Variants in CHAD observed in about 807,000 individuals in gnomAD.
CHAD encodes the protein cartilage leucine-rich protein.
In CHAD, 18 loss-of-function variants were observed where a neutral mutation model predicts 24.0. The ratio of observed to expected loss-of-function variants is 0.75; its 90% CI spans 0.52 to 1.11. The LOEUF (loss-of-function observed/expected upper bound fraction) is 1.11. Ranked by LOEUF, CHAD falls within the 50% of genes most tolerant of loss-of-function variation. The pLI is 0.00. For missense variants in CHAD, 440 were observed against 467.2 expected (o/e 0.94, Z 0.54); for synonymous variants, 195 against 211.6 (o/e 0.92, Z 0.68).
In CHAD at chr17:50,468,655, G is replaced by C. The variant is rs529863360; in HGVS notation, c.159C>G (p.Thr53=). ...TGTTGCGCTGTAGGTTGAGCAGCTTGGTCTTCTCTGACACCTTGGGGATCT... is the reference window on the plus strand; with the variant it reads ...TGTTGCGCTGTAGGTTGAGCAGCTTCGTCTTCTCTGACACCTTGGGGATCT... The part of the protein sequence containing the change: ...LQKIPKVSEK[T]KLLNLQRNNF... The change falls in exon 1 of 4, where the codon ACC becomes ACG. Residue 53 remains threonine, a synonymous_variant. Transcript: ENST00000508540. 2.5e-6 allele frequency: 4 copies of C among 1,614,184 alleles called. No individual in the cohort carries two copies. The highest frequency in any genetic ancestry group is 1.3e-5 in the African/African-American group (1 of 75,078).
At chr17:50,465,935 G>C in intron 1 of CHAD, 65 bp from the exon 2 acceptor site, 1 of 1,581,360 alleles carries the variant, frequency 6.3e-7, no homozygotes, top group Non-Finnish European at 8.7e-7. Context: ...AAGCACCCGA[G>C]TGCCAGAGGG....
intron 1 of CHAD, chr17:50,467,730 C>A: frequency 3.4e-6 from 1 of 295,146 alleles, no homozygotes; most frequent in African/African-American, 2.2e-5. Context: ...GAAGAGGTGG[C>A]TGCTGCTCAC....
intron 1 of CHAD, among the ~76,000 whole-genome samples, chr17:50,466,091 C>CTT (rs1345682475): frequency 3.4e-4 from 41 of 120,182 alleles, no homozygotes; most frequent in African/African-American, 7.7e-4. Flanking sequence ...TTTTTTTTTC[C>CTT]TTTTTTTTTT....
At chr17:50,467,930 G>A in intron 1 of CHAD, 110 bp downstream of exon 1, 1 of 1,162,592 alleles carries the variant, frequency 8.6e-7, no homozygotes, top group South Asian at 1.6e-5. Context: ...GAGATAGCCA[G>A]AGGGACAGGG....
At position 50,468,769 on chromosome 17, in the gene CHAD, A is replaced by G; in HGVS notation, c.45T>C (p.Gly15=). ...GGCAGGCGGCCAGCGCCGGCAGCAG[A>G]CCAGCCAGGAGGCCGAGGCTGAGCA... ...MLLLSLGLLA[G]LLPALAACPQ... Residue 15 remains glycine, a synonymous_variant, in exon 1 of 4, where the codon GGT becomes GGC. Transcript: ENST00000508540. 1 of 1,584,528 alleles carries G rather than the reference A, an allele frequency of 6.3e-7. No individual in the cohort carries two copies. Among genetic ancestry groups the G allele is most frequent in the African/African-American group, 1.3e-5 (1 of 74,516 alleles).
In CHAD at chr17:50,468,269, G is replaced by C; in HGVS notation, c.545C>G (p.Ala182Gly). The C allele has an allele frequency of 6.2e-7, 1 of 1,611,254 alleles. No homozygotes were observed. The highest frequency in any genetic ancestry group is 8.5e-7 in the Non-Finnish European group (1 of 1,177,666). The change falls in exon 1 of 4, where the codon GCG becomes GGG. Residue 182 changes from alanine (A) to glycine (G), a missense_variant. By Grantham distance (60) the Ala-to-Gly change is moderately conservative. Transcript: ENST00000508540. ...DLRWLYLSEN[A>G]LSSLQPGALD... Reference sequence around the variant, plus strand: ...GGCCCCGGGCTGCAGGGAGCTCAACGCGTTTTCCGACAGGTAGAGCCAGCG... The same window carrying C: ...GGCCCCGGGCTGCAGGGAGCTCAACCCGTTTTCCGACAGGTAGAGCCAGCG...
At position 50,468,105 on chromosome 17, in the gene CHAD, T is replaced by A. The variant is rs966950019; in HGVS notation, c.709A>T (p.Asn237Tyr). ...TATCTGCCAAAGGACTGGAAGGCAT[T>A]GTCCGGGATGCTTTTCAGGGGGTTG... ...SHNPLKSIPD[N>Y]AFQSFGRYLE... The change falls in exon 1 of 4, where the codon AAT becomes TAT. Residue 237 changes from asparagine to tyrosine, a missense_variant. Asn to Tyr is a moderately radical substitution (Grantham distance 143). Coordinates refer to ENST00000508540, the MANE Select transcript of CHAD (RefSeq NM_001267.3). 1 of 1,613,696 alleles carries A rather than the reference T, an allele frequency of 6.2e-7. No homozygotes were observed. Among genetic ancestry groups the A allele is most frequent in the Non-Finnish European group, 8.5e-7 (1 of 1,179,814 alleles).
rs544648649 is a variant in CHAD, at chr17:50,467,011, T to C, written c.774+1029A>G. 2.8e-3 allele frequency among the ~76,000 whole-genome samples: 424 copies of C among 152,292 alleles called. 5 individuals are homozygous for C. Among genetic ancestry groups the C allele is most frequent in the Non-Finnish European group, 2.2e-3 (151 of 68,026 alleles). Reference sequence around the variant, plus strand: ...TGCCCACATCTCCACACCCGCACCCTTTCCTGTGGCCCACATTGAGGTATG... The same window carrying C: ...TGCCCACATCTCCACACCCGCACCCCTTCCTGTGGCCCACATTGAGGTATG... On this transcript the variant is annotated intron_variant, in intron 1 of 3. Transcript: ENST00000508540.
At position 50,464,776 on chromosome 17, in the gene CHAD, G is replaced by GGA. The variant is rs1555611962; in HGVS notation, c.*277_*278insTC. ...TTGTGGTTCTGATTGACTTGGGGGGGGGGTCTCAGCAACAGCTTCTCCAAG... is the reference window on the plus strand; with the variant it reads ...TTGTGGTTCTGATTGACTTGGGGGGGGAGGGTCTCAGCAACAGCTTCTCCAAG... On this transcript the variant is annotated 3_prime_UTR_variant, in exon 4 of 4. Coordinates refer to ENST00000508540, the MANE Select transcript of CHAD (RefSeq NM_001267.3). The GGA allele has an allele frequency of 1.2e-5, 4 of 332,262 alleles. No individual in the cohort carries two copies. Among genetic ancestry groups the GGA allele is most frequent in the Admixed American group, 7.9e-5 (2 of 25,164 alleles). The allele number at this position is 332,262 out of a possible 1,614,324, so 20.6% of individuals were successfully genotyped here.
rs539784859 is a variant in CHAD, at chr17:50,464,772, G to A, written c.*282C>T. The A allele has an allele frequency of 5.2e-5, 17 of 329,874 alleles. No individual in the cohort carries two copies. Among genetic ancestry groups the A allele is most frequent in the South Asian group, 3.1e-4 (14 of 45,198 alleles). 20.4% of individuals were successfully genotyped at this position (329,874 alleles called of 1,614,324 possible). Reference sequence around the variant, plus strand: ...CCTGTTGTGGTTCTGATTGACTTGGGGGGGGGGTCTCAGCAACAGCTTCTC... The same window carrying A: ...CCTGTTGTGGTTCTGATTGACTTGGAGGGGGGGTCTCAGCAACAGCTTCTC... On this transcript the variant is annotated 3_prime_UTR_variant, in exon 4 of 4. Transcript: ENST00000508540.
chr17:50,465,324 T>C lies in CHAD; in HGVS notation c.1054A>G (p.Arg352Gly), dbSNP rs1418591871. Residue 352 changes from arginine (R) to glycine (G), a missense_variant, in exon 3 of 4, where the codon AGG (arginine) becomes GGG (glycine). By Grantham distance (125) the Arg-to-Gly change is moderately radical (BLOSUM62 -2). Transcript: ENST00000508540. Reference protein sequence around the residue: ...AFRSCKFPTKRSKKAGRH With the variant: ...AFRSCKFPTKGSKKAGRH ...TAATGGCGGCCAGCTTTCTTGGACC[T>C]CTTGGTGGGGAACTTGCAGCTGCGG... The C allele has an allele frequency of 2.5e-6, 4 of 1,613,996 alleles. No individual in the cohort carries two copies. The South Asian group carries it at 4.4e-5, about 18-fold the overall frequency.
rs765464320 is a variant in CHAD, at chr17:50,465,273, A to T, written c.*4+21T>A. 10 of 1,613,294 alleles carry T rather than the reference A, an allele frequency of 6.2e-6. No homozygotes were observed. In the South Asian group the frequency reaches 1.1e-4, roughly 18 times the overall value. On this transcript the variant is annotated intron_variant, in intron 3 of 3. Transcript: ENST00000508540. ...GAATCACCAAAGAGGGACATAGGGG[A>T]CCTGTTTACCTGGCCCCCACCTGTT...
chr17:50,466,893 A>G (rs1241816315), intron 1 of CHAD, among the ~76,000 whole-genome samples: 4 of 152,122 alleles, frequency 2.6e-5, no homozygotes, highest in African/African-American at 9.7e-5. Context: ...GGGGACTCCA[A>G]CTTCAGCTGG....
Position 50,468,073 on chromosome 17 carries a change from C to T in CHAD, c.741G>A (p.Glu247=), listed in dbSNP as rs760442529. 1 of 1,608,844 alleles carries T rather than the reference C, an allele frequency of 6.2e-7. No homozygotes were observed. The highest frequency in any genetic ancestry group is 8.5e-7 in the Non-Finnish European group (1 of 1,176,312). ...GGTTGGTGTTGTCCAGCCAGAGGGTCTCCAGGTATCTGCCAAAGGACTGGA... is the reference window on the plus strand; with the variant it reads ...GGTTGGTGTTGTCCAGCCAGAGGGTTTCCAGGTATCTGCCAAAGGACTGGA... ...NAFQSFGRYL[E]TLWLDNTNLE... The change falls in exon 1 of 4, where the codon GAG becomes GAA. Residue 247 remains glutamate (E), a synonymous_variant. Transcript: ENST00000508540.
chr17:50,468,058 G>T lies in CHAD; in HGVS notation c.756C>A (p.Asp252Glu), dbSNP rs1457219668. 1 of 1,597,978 alleles carries T rather than the reference G, an allele frequency of 6.3e-7. No individual in the cohort carries two copies. Among genetic ancestry groups the T allele is most frequent in the East Asian group, 2.2e-5 (1 of 44,534 alleles). The stretch of plus-strand genomic sequence containing the variant: ...AGCTCACCTTCTCCAGGTTGGTGTT[G>T]TCCAGCCAGAGGGTCTCCAGGTATC... ...FGRYLETLWL[D>E]NTNLEKFSDG... is the part of the protein sequence containing the mutation. Residue 252 changes from aspartate to glutamate, a missense_variant, in exon 1 of 4, where the codon GAC (aspartate) becomes GAA (glutamate). Physicochemically the swap from Asp to Glu is conservative, Grantham distance 45 (BLOSUM62 2). Transcript: ENST00000508540.
chr17:50,465,939 C>A, intron 1 of CHAD, 69 bp from the exon 2 acceptor site: 1 of 1,572,946 alleles, frequency 6.4e-7, no homozygotes. Context: ...ACCCGAGTGC[C>A]AGAGGGGCAG....
In CHAD at chr17:50,464,770, G is replaced by GGC. The variant is rs1555611950; in HGVS notation, c.*283_*284insGC. 3 of 163,350 alleles carry GGC rather than the reference G, an allele frequency of 1.8e-5. No individual in the cohort carries two copies. The highest frequency in any genetic ancestry group is 1.5e-4 in the African/African-American group (2 of 13,618). 10.1% of individuals were successfully genotyped at this position (163,350 alleles called of 1,614,324 possible). A position where few individuals can be genotyped will look rare whatever the true frequency, so the allele number is the denominator to read the frequency against. On this transcript the variant is annotated 3_prime_UTR_variant, in exon 4 of 4. Coordinates refer to ENST00000508540, the MANE Select transcript of CHAD (RefSeq NM_001267.3). ...AACCTGTTGTGGTTCTGATTGACTT[G>GGC]GGGGGGGGGTCTCAGCAACAGCTTC...
chr17:50,466,337 C>T (rs1221634256), intron 1 of CHAD, among the ~76,000 whole-genome samples: 1 of 152,182 alleles, frequency 6.6e-6, no homozygotes, highest in East Asian at 1.9e-4. Flanking sequence ...GATCTACCCG[C>T]CTCAGCCTCC....
In CHAD at chr17:50,464,531, T is replaced by A; in HGVS notation, c.*523A>T. 1.5e-6 allele frequency: 1 copy of A among 660,994 alleles called. No homozygotes were observed. Among genetic ancestry groups the A allele is most frequent in the Non-Finnish European group, 2.8e-6 (1 of 359,728 alleles). The allele number at this position is 660,994 out of a possible 1,614,324, so 40.9% of individuals were successfully genotyped here. On this transcript the variant is annotated 3_prime_UTR_variant, in exon 4 of 4. Coordinates refer to ENST00000508540, the MANE Select transcript of CHAD (RefSeq NM_001267.3). ...ACATACATTTATATTTATAGAAATCTCAGGAAGAAATTGCAGCATGGGAAG... is the reference window on the plus strand; with the variant it reads ...ACATACATTTATATTTATAGAAATCACAGGAAGAAATTGCAGCATGGGAAG...
Sources: gnomAD v4.1 joint callset for allele counts (sites outside exome capture counted in the v4.1 genomes callset) on GRCh38, gnomAD v4.1.1 for gene constraint, MANE v1.5 for transcripts, NCBI Gene and HGNC (gene_info 2026-07-23, HGNC 2026-07-21) for gene names.